DOCK1: variants seen among roughly 807,000 people sequenced by gnomAD.
DOCK1 encodes dedicator of cytokinesis 1, also known as dedicator of cytokinesis protein 1.
In DOCK1, 138 loss-of-function variants were observed where a neutral mutation model predicts 262.7. The ratio of observed to expected loss-of-function variants is 0.53; its 90% confidence interval spans 0.46 to 0.61. The LOEUF (loss-of-function observed/expected upper bound fraction) is 0.61, where lower values mean the gene tolerates loss of function less well. DOCK1 is among the 20% of genes least tolerant of loss of function. The pLI is 0.00. For missense variants in DOCK1, 1,908 were observed against 2,370.7 expected (o/e 0.80, Z 4.05); for synonymous variants, 866 against 867.4 (o/e 1.00, Z 0.03).
Position 127,451,336 on chromosome 10 carries a change from T to C in DOCK1, c.5570T>C (p.Leu1857Pro). ...PPPPPPHQRH[L>P]PPPLPSKTPP... ...CCCCATCCTCATGTTTTTTAGCATC[T>C]GCCACCTCCACTGCCCAGCAAAACT... The change falls in exon 52 of 52, where the codon CTG (leucine) becomes CCG (proline). Residue 1857 changes from leucine to proline, a missense_variant. Physicochemically the swap from Leu to Pro is moderately conservative, Grantham distance 98. Transcript: ENST00000623213. The C allele has an allele frequency of 1.9e-6, 3 of 1,594,206 alleles. No homozygotes were observed. The highest frequency in any genetic ancestry group is 1.7e-5 in the Admixed American group (1 of 57,376).
At chr10:127,318,524 C>A (rs1397419535) in intron 29 of DOCK1, among the ~76,000 whole-genome samples, 1 of 152,206 alleles carries the variant, frequency 6.6e-6, no homozygotes, top group Admixed American at 6.5e-5. Flanking sequence ...GGGCCCAGCA[C>A]TGGGTTCATC....
intron 40 of DOCK1, among the ~76,000 whole-genome samples, chr10:127,406,302 C>G (rs537142778): frequency 6.6e-6 from 1 of 152,082 alleles, no homozygotes; most frequent in Non-Finnish European, 1.5e-5. Context: ...TTGCAGCTCC[C>G]GAGCCAATAG....
chr10:126,954,041 G>A (rs1241009151), intron 1 of DOCK1, among the ~76,000 whole-genome samples: 1 of 152,200 alleles, frequency 6.6e-6, no homozygotes, highest in Admixed American at 6.5e-5. Flanking sequence ...CTTTATCCTT[G>A]TGTGCTTTCG....
intron 23 of DOCK1, among the ~76,000 whole-genome samples, chr10:127,070,911 A>G (rs2135924233): frequency 6.6e-6 from 1 of 152,166 alleles, no homozygotes; most frequent in African/African-American, 2.4e-5. Context: ...CTGTGTGAGC[A>G]GTAGTGTTTG....
At chr10:127,141,169 C>T (rs2051205388) in intron 27 of DOCK1, among the ~76,000 whole-genome samples, 1 of 152,214 alleles carries the variant, frequency 6.6e-6, no homozygotes, top group Non-Finnish European at 1.5e-5. Flanking sequence ...GTCTGACCAC[C>T]TTCCCAAATG....
At chr10:127,433,638 C>G (rs374502091) in intron 48 of DOCK1, among the ~76,000 whole-genome samples, 1 of 151,990 alleles carries the variant, frequency 6.6e-6, no homozygotes, top group Admixed American at 6.6e-5. Context: ...AACATCCTCT[C>G]TTTGGGTACC....
chr10:127,161,310 A>G (rs2053573447), intron 27 of DOCK1, among the ~76,000 whole-genome samples: 1 of 152,174 alleles, frequency 6.6e-6, no homozygotes, highest in Non-Finnish European at 1.5e-5. Flanking sequence ...TGATTTTCAT[A>G]ACCAACTCCC....
chr10:127,282,256 C>T (rs2060989681), intron 29 of DOCK1, among the ~76,000 whole-genome samples: 1 of 152,090 alleles, frequency 6.6e-6, no homozygotes, highest in South Asian at 2.1e-4. Flanking sequence ...TTTTCTCTCT[C>T]TCTCTCTCTC....
intron 27 of DOCK1, among the ~76,000 whole-genome samples, chr10:127,132,841 G>C (rs1173010349): frequency 6.6e-6 from 1 of 152,094 alleles, no homozygotes; most frequent in Non-Finnish European, 1.5e-5. Context: ...ATTTTTCTTT[G>C]GCCTGGATAC....
chr10:126,953,958 G>A (rs1054037229), intron 1 of DOCK1, among the ~76,000 whole-genome samples: 5 of 152,182 alleles, frequency 3.3e-5, no homozygotes, highest in Admixed American at 1.3e-4. Flanking sequence ...ACTTCCGAGT[G>A]GTCCTGTGTG....
chr10:127,180,572 A>G (rs527549272), intron 27 of DOCK1, among the ~76,000 whole-genome samples: 1 of 152,364 alleles, frequency 6.6e-6, no homozygotes, highest in African/African-American at 2.4e-5. Context: ...TCATAATCAA[A>G]GTGAGCTGTA....
chr10:127,088,214 A>T (rs1300555836), intron 23 of DOCK1, among the ~76,000 whole-genome samples: 3 of 152,164 alleles, frequency 2.0e-5, no homozygotes, highest in African/African-American at 2.4e-5. Context: ...TATAAATTGG[A>T]TGTGCATGCT....
At chr10:127,261,117 A>C (rs1254087275) in intron 29 of DOCK1, among the ~76,000 whole-genome samples, 1 of 92,674 alleles carries the variant, frequency 1.1e-5, no homozygotes, top group Non-Finnish European at 2.1e-5. Context: ...ATGTGTGTGC[A>C]TGTGTGTGTG....
intron 27 of DOCK1, among the ~76,000 whole-genome samples, chr10:127,148,201 A>C (rs938536221): frequency 1.2e-4 from 18 of 152,304 alleles, no homozygotes; most frequent in African/African-American, 4.3e-4. Context: ...TCAGGTTCCA[A>C]GCCCACTCAT....
At chr10:126,993,265 C>T (rs2039942281) in intron 6 of DOCK1, among the ~76,000 whole-genome samples, 2 of 152,240 alleles carry the variant, frequency 1.3e-5, no homozygotes, top group African/African-American at 4.8e-5. Flanking sequence ...GACCTACTGG[C>T]TGGGCCTCCT....
chr10:127,361,944 A>G (rs894387982), intron 32 of DOCK1, 120 bp from the exon 33 acceptor site: 2 of 1,186,714 alleles, frequency 1.7e-6, no homozygotes, highest in South Asian at 1.7e-5. Flanking sequence ...ATGGATGCAC[A>G]TTTTCGGGAT....
chr10:126,976,628 G>A (rs2038562550), intron 2 of DOCK1, among the ~76,000 whole-genome samples: 1 of 152,126 alleles, frequency 6.6e-6, no homozygotes, highest in African/African-American at 2.4e-5. Flanking sequence ...AAGAAACCCA[G>A]TATTTGGTTA....
At chr10:127,169,076 C>A (rs2133805946) in intron 27 of DOCK1, among the ~76,000 whole-genome samples, 1 of 152,292 alleles carries the variant, frequency 6.6e-6, no homozygotes, top group Non-Finnish European at 1.5e-5. Flanking sequence ...CAAGTCACAT[C>A]ACGCAAACAT....
chr10:127,199,617 G>A (rs2057364840), intron 27 of DOCK1, among the ~76,000 whole-genome samples: 3 of 152,178 alleles, frequency 2.0e-5, no homozygotes, highest in Admixed American at 2.0e-4. Context: ...ATTCCCTTTA[G>A]ATGAAGTCCA....
Sources: gnomAD v4.1 joint callset for allele counts (sites outside exome capture counted in the v4.1 genomes callset) on GRCh38, gnomAD v4.1.1 for gene constraint, MANE v1.5 for transcripts, NCBI Gene and HGNC (gene_info 2026-07-23, HGNC 2026-07-21) for gene names.